PBX1: variants seen among roughly 807,000 people sequenced by gnomAD.
PBX1 encodes the protein PBX homeobox 1.
PBX1 carries 6 observed loss-of-function variants against 53.4 expected under a neutral mutation model. The ratio of observed to expected loss-of-function variants is 0.11; its 90% CI spans 0.06 to 0.22. PBX1 has a LOEUF of 0.22. PBX1 is among the 10% of genes least tolerant of loss of function. The pLI is 1.00. For missense variants in PBX1, 251 were observed against 551.4 expected, an observed-to-expected ratio of 0.46 and a Z score of 5.46; for synonymous variants, 204 against 212.3, an observed-to-expected ratio of 0.96 and a Z score of 0.34.
intron 8 of PBX1, among the ~76,000 whole-genome samples, 180 bp downstream of exon 8, chr1:164,821,806 G>A (rs1159016451): frequency 6.6e-6 from 1 of 152,120 alleles, no homozygotes. Flanking sequence ...AAAAAGTGGC[G>A]ATTGGGCAGG....
At chr1:164,565,801 C>T (rs971731303) in intron 2 of PBX1, among the ~76,000 whole-genome samples, 1 of 150,650 alleles carries the variant, frequency 6.6e-6, no homozygotes, top group Non-Finnish European at 1.5e-5. Flanking sequence ...GTGAAAACAT[C>T]GCTTGAGTGA....
intron 2 of PBX1, among the ~76,000 whole-genome samples, chr1:164,739,527 C>T (rs970229939): frequency 6.6e-6 from 1 of 152,166 alleles, no homozygotes; most frequent in Non-Finnish European, 1.5e-5. Context: ...TTGTCACAGC[C>T]ATTGACCTAC....
chr1:164,820,110 T>C lies in PBX1; in HGVS notation c.1036T>C (p.Leu346=). The part of the protein sequence containing the change: ...SSFNMSNSGD[L]FMSVQSLNGD... Reference sequence around the variant, plus strand: ...TTTTAACATGTCAAACTCTGGAGATTTGTTCATGAGCGTGCAGTCACTCAA... The same window carrying C: ...TTTTAACATGTCAAACTCTGGAGATCTGTTCATGAGCGTGCAGTCACTCAA... The change falls in exon 7 of 9, where the codon TTG becomes CTG. Residue 346 remains leucine (L), a synonymous_variant. Coordinates refer to ENST00000420696, the MANE Select transcript of PBX1 (RefSeq NM_002585.4). The C allele has an allele frequency of 6.2e-7, 1 of 1,613,692 alleles. No individual in the cohort carries two copies. Among genetic ancestry groups the C allele is most frequent in the South Asian group, 1.1e-5 (1 of 91,024 alleles).
intron 2 of PBX1, among the ~76,000 whole-genome samples, chr1:164,883,810 A>G (rs1307349666): frequency 6.6e-6 from 1 of 152,196 alleles, no homozygotes. Context: ...TCTTAGATGC[A>G]CTATTAACTT....
At chr1:164,749,580 A>G (rs1666085345) in intron 2 of PBX1, among the ~76,000 whole-genome samples, 1 of 152,324 alleles carries the variant, frequency 6.6e-6, no homozygotes, top group Middle Eastern at 3.4e-3. Context: ...GGTAGATTTA[A>G]TTCTTCACAT....
At chr1:164,826,924 G>C (rs893360546) in intron 8 of PBX1, among the ~76,000 whole-genome samples, 2 of 152,246 alleles carry the variant, frequency 1.3e-5, no homozygotes, top group Admixed American at 1.3e-4. Context: ...TATAGTAATA[G>C]AAAAATAGAG....
At chr1:164,655,104 T>TG (rs984237959) in intron 2 of PBX1, among the ~76,000 whole-genome samples, 64 of 149,506 alleles carry the variant, frequency 4.3e-4, no homozygotes, top group African/African-American at 1.5e-3. Flanking sequence ...ATGTGTGTTT[T>TG]TTTTTTTTTT....
intron 2 of PBX1, among the ~76,000 whole-genome samples, chr1:164,755,996 A>C (rs1347129378): frequency 9.7e-6 from 1 of 103,032 alleles, no homozygotes; most frequent in African/African-American, 3.2e-5. Flanking sequence ...AACCCGATTC[A>C]GGAAAAAAAA....
rs1007097332 is a variant in PBX1, at chr1:164,672,266, C to T, written c.265+108955C>T. Among the ~76,000 whole-genome samples the T allele has an allele frequency of 5.9e-5, 9 of 152,226 alleles. No homozygotes were observed. The East Asian group carries it at 1.5e-3, about 26-fold the overall frequency. On this transcript the variant is annotated intron_variant, in intron 2 of 8. Transcript: ENST00000420696. ...CCTTTGATAAGCTGTCATCGGTGGG[C>T]ACTGCTCAGGGGACTTGATCCCAGT...
intron 2 of PBX1, chr1:164,700,553 C>G (rs2102046941): frequency 1.0e-6 from 1 of 985,294 alleles, no homozygotes; most frequent in East Asian, 1.1e-4. Flanking sequence ...GGTGGCTTTG[C>G]TCTAGGTTGG....
chr1:164,789,341 G>C (rs1207972927), intron 2 of PBX1, among the ~76,000 whole-genome samples: 2 of 152,328 alleles, frequency 1.3e-5, no homozygotes, highest in East Asian at 3.9e-4. Flanking sequence ...GAAACTGAGA[G>C]GGGTTGGAAA....
chr1:164,685,832 A>G (rs1662061207), intron 2 of PBX1, among the ~76,000 whole-genome samples: 2 of 152,200 alleles, frequency 1.3e-5, no homozygotes, highest in African/African-American at 4.8e-5. Flanking sequence ...AGTGCATTCT[A>G]TACACACAGG....
At chr1:164,646,551 A>G (rs1478881000) in intron 2 of PBX1, among the ~76,000 whole-genome samples, 1 of 152,052 alleles carries the variant, frequency 6.6e-6, no homozygotes, top group Non-Finnish European at 1.5e-5. Flanking sequence ...CTTACTTCTA[A>G]TTGTGCTCCA....
chr1:164,872,113 T>C (rs1025926714), intron 2 of PBX1, among the ~76,000 whole-genome samples: 1 of 152,204 alleles, frequency 6.6e-6, no homozygotes, highest in African/African-American at 2.4e-5. Flanking sequence ...CACTTATTCA[T>C]ATACTTACAA....
chr1:164,694,449 C>T lies in PBX1; in HGVS notation c.266-98045C>T, dbSNP rs1662688867. 1.3e-5 allele frequency among the ~76,000 whole-genome samples: 2 copies of T among 152,130 alleles called. 1 individual carries two copies. The highest frequency in any genetic ancestry group is 4.1e-4 in the South Asian group (2 of 4,826). On this transcript the variant is annotated intron_variant, in intron 2 of 8. Coordinates refer to ENST00000420696, the MANE Select transcript of PBX1 (RefSeq NM_002585.4). Reference sequence around the variant, plus strand: ...CCCAGTGAGGAGTACAATGTCTGGACTAAAACAAGTATCCAGTAAGTATTT... The same window carrying T: ...CCCAGTGAGGAGTACAATGTCTGGATTAAAACAAGTATCCAGTAAGTATTT...
At chr1:164,709,520 C>G (rs1663632077) in intron 2 of PBX1, among the ~76,000 whole-genome samples, 1 of 152,014 alleles carries the variant, frequency 6.6e-6, no homozygotes. Flanking sequence ...GATGGCAACT[C>G]GGGAAAGACC....
intron 2 of PBX1, among the ~76,000 whole-genome samples, chr1:164,876,318 A>C (rs1404224444): frequency 2.0e-5 from 3 of 151,866 alleles, no homozygotes; most frequent in Non-Finnish European, 4.4e-5. Context: ...CACAAAGCTC[A>C]GTAACAGCAC....
intron 2 of PBX1, among the ~76,000 whole-genome samples, chr1:164,612,070 T>G (rs1656971911): frequency 6.6e-6 from 1 of 152,156 alleles, no homozygotes; most frequent in African/African-American, 2.4e-5. Flanking sequence ...GAATGCTAGT[T>G]GATTTTTGCT....
intron 2 of PBX1, among the ~76,000 whole-genome samples, chr1:164,619,670 T>G (rs1657539822): frequency 6.6e-6 from 1 of 152,122 alleles, no homozygotes; most frequent in African/African-American, 2.4e-5. Flanking sequence ...TTCCAGAAAA[T>G]TAGCCTAGAT....
Sources: gnomAD v4.1 joint callset for allele counts (sites outside exome capture counted in the v4.1 genomes callset) on GRCh38, gnomAD v4.1.1 for gene constraint, MANE v1.5 for transcripts, NCBI Gene and HGNC (gene_info 2026-07-23, HGNC 2026-07-21) for gene names.